Variants in EIF2AK1 observed in about 807,000 individuals in gnomAD.
EIF2AK1 encodes the protein eukaryotic translation initiation factor 2-alpha kinase 1.
A neutral mutation model predicts 77.9 loss-of-function variants in EIF2AK1; 54 were observed. That is an observed-to-expected ratio of 0.69 (90% CI 0.56 to 0.87). The LOEUF (loss-of-function observed/expected upper bound fraction) is 0.87, where lower values mean the gene tolerates loss of function less well. Ranked by LOEUF, EIF2AK1 falls within the 40% of genes least tolerant of loss-of-function variation. EIF2AK1 has a pLI of 0.00. For synonymous variants in EIF2AK1, 314 were observed against 290.5 expected, an observed-to-expected ratio of 1.08 and a Z score of -0.82; for missense variants, 810 against 768.6, an observed-to-expected ratio of 1.05 and a Z score of -0.64.
chr7:6,051,418 C>T (rs909469869), intron 2 of EIF2AK1, among the ~76,000 whole-genome samples: 4 of 151,886 alleles, frequency 2.6e-5, no homozygotes, highest in African/African-American at 9.7e-5. Flanking sequence ...ATTACAGGTG[C>T]ACACCACCAC....
chr7:6,049,246 C>G (rs368154713), intron 3 of EIF2AK1, among the ~76,000 whole-genome samples: 1 of 151,622 alleles, frequency 6.6e-6, no homozygotes, highest in East Asian at 1.9e-4. Context: ...TCCCATCTTA[C>G]TAAAAACCAT....
rs1787817787 is a variant in EIF2AK1 at position 6,028,643 on chromosome 7, T to C, written c.1502A>G (p.Gln501Arg). 1 of 1,614,212 alleles carries C rather than the reference T, an allele frequency of 6.2e-7. No individual in the cohort carries two copies. The highest frequency in any genetic ancestry group is 8.5e-7 in the Non-Finnish European group (1 of 1,180,024). Residue 501 changes from glutamine to arginine, a missense_variant, in exon 13 of 15, where the codon CAG (glutamine) becomes CGG (arginine). By Grantham distance (43) the Gln-to-Arg change is conservative. This residue lies in a region of EIF2AK1 where 549 missense variants were observed against 533.7 expected (regional missense o/e 1.03). Coordinates refer to ENST00000199389, the MANE Select transcript of EIF2AK1 (RefSeq NM_014413.4). ...GGCATCATACTCAGATCCTTCCAAC[T>C]GTTCGGGTGAAGCGTACAGACAAGT... is the stretch of plus-strand genomic sequence containing the variant. ...VGTCLYASPE[Q>R]LEGSEYDAKS...
In EIF2AK1 at chr7:6,023,265, G is replaced by C. The variant is rs1315915564; in HGVS notation, c.*1408C>G. 3 of 1,551,840 alleles carry C rather than the reference G, an allele frequency of 1.9e-6. No homozygotes were observed. The highest frequency in any genetic ancestry group is 2.7e-5 in the African/African-American group (2 of 73,314). On this transcript the variant is annotated 3_prime_UTR_variant, in exon 15 of 15. Coordinates refer to ENST00000199389, the MANE Select transcript of EIF2AK1 (RefSeq NM_014413.4). ...CTGTGCGAGTACTTCCCTCAGGGCTGCTCTGGTGATGCTACCTGGCGTGTT... is the reference window on the plus strand; with the variant it reads ...CTGTGCGAGTACTTCCCTCAGGGCTCCTCTGGTGATGCTACCTGGCGTGTT...
At chr7:6,047,984 C>A (rs1042547934) in intron 4 of EIF2AK1, 1 of 152,206 alleles carries the variant, frequency 6.6e-6, no homozygotes, top group Non-Finnish European at 1.5e-5. Flanking sequence ...GCCTCAGCCT[C>A]CCAAGTAGCT....
chr7:6,035,570 A>G lies in EIF2AK1; in HGVS notation c.1332+1854T>C. ...CAGACATTCAGAATAGCAGCATCAC[A>G]TGTCTCCGCATCTTGTGTGCGCACG... On this transcript the variant is annotated intron_variant, in intron 11 of 14. Coordinates refer to ENST00000199389, the MANE Select transcript of EIF2AK1 (RefSeq NM_014413.4). This position sits in a 1 kb window ranked among gnomAD's most constrained non-coding sequence, Gnocchi z 5.5. The G allele has an allele frequency of 3.2e-6, 5 of 1,551,126 alleles. No homozygotes were observed. Among genetic ancestry groups the G allele is most frequent in the Non-Finnish European group, 4.4e-6 (5 of 1,147,100 alleles).
intron 11 of EIF2AK1, among the ~76,000 whole-genome samples, chr7:6,037,070 A>C (rs1788120851): frequency 6.6e-6 from 1 of 152,108 alleles, no homozygotes; most frequent in Admixed American, 6.6e-5. Context: ...TCTACAAAAA[A>C]AAATTTAAAA....
At chr7:6,026,342 A>T (rs1787744838) in intron 14 of EIF2AK1, 1 of 422,876 alleles carries the variant, frequency 2.4e-6, no homozygotes, top group Admixed American at 2.9e-5. Flanking sequence ...CTGGACATCT[A>T]AAGGCCTAGC....
At position 6,024,133 on chromosome 7, in the gene EIF2AK1, GAT is replaced by G; in HGVS notation, c.*538_*539del. On this transcript the variant is annotated 3_prime_UTR_variant, in exon 15 of 15. Transcript: ENST00000199389. ...CGCTAAACTGAAGGTGGAGAGAACA[GAT>G]AAAAAGGTTGGAAGTTGCACACTGT... The G allele has an allele frequency of 7.7e-7, 1 of 1,294,712 alleles. No homozygotes were observed. The highest frequency in any genetic ancestry group is 1.2e-5 in the South Asian group (1 of 81,080). The allele number at this position is 1,294,712 out of a possible 1,614,324, so 80.2% of individuals were successfully genotyped here. A position where few individuals can be genotyped will look rare whatever the true frequency, so the allele number is the denominator to read the frequency against.
chr7:6,027,760 A>G lies in EIF2AK1; in HGVS notation c.1531-799T>C, dbSNP rs912367895. ...AGGTGAACAGTGATGTTTTAAAGGG[A>G]AAGCTCATTTCAAAATCGATTTAGG... On this transcript the variant is annotated intron_variant, in intron 13 of 14. Coordinates refer to ENST00000199389, the MANE Select transcript of EIF2AK1 (RefSeq NM_014413.4). This position sits in a 1 kb window ranked among gnomAD's most constrained non-coding sequence, Gnocchi z 4.5. Among the ~76,000 whole-genome samples, 2 of 152,132 alleles carry G rather than the reference A, an allele frequency of 1.3e-5. No homozygotes were observed.
At chr7:6,044,762 T>G (rs1788398526) in intron 6 of EIF2AK1, 101 bp from the exon 7 acceptor site, 1 of 946,638 alleles carries the variant, frequency 1.1e-6, no homozygotes, top group African/African-American at 1.6e-5. Flanking sequence ...GCCCCTGACT[T>G]ACAATGGTAT....
intron 1 of EIF2AK1, among the ~76,000 whole-genome samples, chr7:6,056,949 C>G (rs1788791999): frequency 6.6e-6 from 1 of 151,714 alleles, no homozygotes; most frequent in African/African-American, 2.4e-5. Flanking sequence ...CTGTTAATAG[C>G]CTACTGGAAT....
intron 3 of EIF2AK1, among the ~76,000 whole-genome samples, chr7:6,049,482 G>A (rs963016643): frequency 2.7e-4 from 41 of 152,176 alleles, no homozygotes; most frequent in African/African-American, 9.4e-4. Context: ...GGCAGAGGTT[G>A]CAATGAGCCA....
At position 6,032,964 on chromosome 7, in the gene EIF2AK1, C is replaced by CT. The variant is rs770727290; in HGVS notation, c.1333-3933dup. ...AAGTTAACTCCACCGAAAATCATTT[C>CT]TTTTTTTTTCTTTTTTGTTTTGAGG... On this transcript the variant is annotated intron_variant, in intron 11 of 14. Transcript: ENST00000199389. This position sits in a 1 kb window ranked among gnomAD's most constrained non-coding sequence, Gnocchi z 4.3. 7.0e-4 allele frequency: 1,060 copies of CT among 1,506,644 alleles called. No homozygotes were observed. The highest frequency in any genetic ancestry group is 3.3e-3 in the African/African-American group (240 of 71,864). The allele number at this position is 1,506,644 out of a possible 1,614,324, so 93.3% of individuals were successfully genotyped here. A position where few individuals can be genotyped will look rare whatever the true frequency, so the allele number is the denominator to read the frequency against.
intron 5 of EIF2AK1, 58 bp downstream of exon 5, chr7:6,046,934 A>C: frequency 1.4e-6 from 2 of 1,395,168 alleles, no homozygotes; most frequent in Non-Finnish European, 2.0e-6. Flanking sequence ...AATGAAAACA[A>C]TATCTGAAAA....
chr7:6,053,937 G>T (rs1034410962), intron 2 of EIF2AK1, among the ~76,000 whole-genome samples: 2 of 151,604 alleles, frequency 1.3e-5, no homozygotes, highest in African/African-American at 4.9e-5. Context: ...CTCCCAAAGT[G>T]CTGGGATTAC....
chr7:6,027,624 T>C lies in EIF2AK1; in HGVS notation c.1531-663A>G, dbSNP rs901167373. On this transcript the variant is annotated intron_variant, in intron 13 of 14. Transcript: ENST00000199389. This position sits in a 1 kb window ranked among gnomAD's most constrained non-coding sequence, Gnocchi z 4.5. ...AAACTTTACAGCATGTTCGTTCTAT[T>C]TCAAGGGGAGTCAAGGGGCAGGCTT... Among the ~76,000 whole-genome samples the C allele has an allele frequency of 2.0e-5, 3 of 151,932 alleles. No individual in the cohort carries two copies. The highest frequency in any genetic ancestry group is 4.4e-5 in the Non-Finnish European group (3 of 67,980).
chr7:6,027,693 A>T lies in EIF2AK1; in HGVS notation c.1531-732T>A, dbSNP rs1000337216. On this transcript the variant is annotated intron_variant, in intron 13 of 14. Coordinates refer to ENST00000199389, the MANE Select transcript of EIF2AK1 (RefSeq NM_014413.4). The surrounding 1 kb of genome is among the most constrained non-coding windows in gnomAD (Gnocchi z 4.5). ...CCAAAGCTTGAAAAAAACCAATGAG[A>T]AGAAAGGCTGAAAACAGGCTTCCAT... Among the ~76,000 whole-genome samples, 2 of 152,016 alleles carry T rather than the reference A, an allele frequency of 1.3e-5. No homozygotes were observed. The highest frequency in any genetic ancestry group is 4.8e-5 in the African/African-American group (2 of 41,388).
In EIF2AK1 at chr7:6,055,342, CAAA is replaced by C. The variant is rs58804557; in HGVS notation, c.119-641_119-639del. ...TGGCAACAAGAGCGAAACTCCGTCTCAAAAAAAAAAAAAAAAAAAAAGAAGTTG... is the reference window on the plus strand; with the variant it reads ...TGGCAACAAGAGCGAAACTCCGTCTCAAAAAAAAAAAAAAAAAAGAAGTTG... On this transcript the variant is annotated intron_variant, in intron 1 of 14. Coordinates refer to ENST00000199389, the MANE Select transcript of EIF2AK1 (RefSeq NM_014413.4). Among the ~76,000 whole-genome samples, 30 of 70,228 alleles carry C rather than the reference CAAA, an allele frequency of 4.3e-4. 1 individual carries two copies. The South Asian group carries it at 5.0e-3, about 12-fold the overall frequency. The allele number at this position is 70,228 out of a possible 152,430, so 46.1% of individuals were successfully genotyped here.
At chr7:6,046,949 A>G (rs766795641) in intron 5 of EIF2AK1, 43 bp downstream of exon 5, 8 of 1,454,230 alleles carry the variant, frequency 5.5e-6, no homozygotes, top group Non-Finnish European at 7.5e-6. Context: ...TGAAAACACA[A>G]TTATTTAGGG....
Sources: allele counts gnomAD v4.1 joint callset (sites outside exome capture counted in the v4.1 genomes callset), GRCh38; gene constraint gnomAD v4.1.1; regional missense constraint gnomAD v4.1.1; non-coding constraint Gnocchi (gnomAD v3.1); transcripts MANE v1.5; gene names NCBI Gene and HGNC (gene_info 2026-07-23, HGNC 2026-07-21).